KCNE2: variants seen among roughly 807,000 people sequenced by gnomAD.
KCNE2 encodes potassium voltage-gated channel subfamily E regulatory subunit 2.
Under a neutral mutation model 4.5 loss-of-function variants are expected in KCNE2, and 4 were observed. The observed-to-expected ratio is 0.89, with a 90% CI of 0.44 to 2.03. KCNE2 has a LOEUF of 2.03. KCNE2 is among the 30% of genes most tolerant of loss of function. KCNE2 has a pLI of 0.03. For missense variants in KCNE2, 137 were observed against 151.4 expected, an observed-to-expected ratio of 0.90 and a Z score of 0.50; for synonymous variants, 57 against 55.9, an observed-to-expected ratio of 1.02 and a Z score of -0.09.
rs115318734 is a variant in KCNE2, at chr21:34,366,702, G to A, written c.-13+2551G>A. ...GTAATTCAAAAACGAAAACAAGGCC[G>A]GGCACGGTGGCTCACGCCTGTAATC... On this transcript the variant is annotated intron_variant, in intron 1 of 1. Transcript: ENST00000290310. Among the ~76,000 whole-genome samples, 796 of 152,010 alleles carry A rather than the reference G, an allele frequency of 5.2e-3. 10 individuals carry two copies. The highest frequency in any genetic ancestry group is 0.018 in the African/African-American group (757 of 41,462).
chr21:34,368,740 C>T (rs1437074627), intron 1 of KCNE2, among the ~76,000 whole-genome samples: 1 of 152,154 alleles, frequency 6.6e-6, no homozygotes, highest in African/African-American at 2.4e-5. Flanking sequence ...GTCATTGCTC[C>T]ATTTAACTGA....
chr21:34,370,922 C>A lies in KCNE2; in HGVS notation c.*72C>A. 6.3e-7 allele frequency: 1 copy of A among 1,593,854 alleles called. No homozygotes were observed. Among genetic ancestry groups the A allele is most frequent in the Non-Finnish European group, 8.6e-7 (1 of 1,164,536 alleles). Reference sequence around the variant, plus strand: ...AGATGCCAGTGCCACGAGGCAAATCCAAATTGTCTTTGCTTAGAAGAAAGT... The same window carrying A: ...AGATGCCAGTGCCACGAGGCAAATCAAAATTGTCTTTGCTTAGAAGAAAGT... On this transcript the variant is annotated 3_prime_UTR_variant, in exon 2 of 2. Transcript: ENST00000290310.
At chr21:34,366,285 G>A (rs973571033) in intron 1 of KCNE2, among the ~76,000 whole-genome samples, 3 of 152,084 alleles carry the variant, frequency 2.0e-5, no homozygotes, top group South Asian at 2.1e-4. Flanking sequence ...AGCTTCCTAC[G>A]TGCATAGGTA....
In KCNE2 at chr21:34,371,043, G is replaced by T; in HGVS notation, c.*193G>T. 1 of 699,464 alleles carries T rather than the reference G, an allele frequency of 1.4e-6. No individual in the cohort carries two copies. The highest frequency in any genetic ancestry group is 4.0e-4 in the Middle Eastern group (1 of 2,496). 43.3% of individuals were successfully genotyped at this position (699,464 alleles called of 1,614,324 possible). A position where few individuals can be genotyped will look rare whatever the true frequency, so the allele number is the denominator to read the frequency against. On this transcript the variant is annotated 3_prime_UTR_variant, in exon 2 of 2. Coordinates refer to ENST00000290310, the MANE Select transcript of KCNE2 (RefSeq NM_172201.2). ...CAATCTCAGTGATTTATGCTTGCTT[G>T]TTGGAGCAATATTTTGTGCTGAAGA...
intron 1 of KCNE2, among the ~76,000 whole-genome samples, chr21:34,366,420 G>C (rs948696919): frequency 2.0e-5 from 3 of 151,242 alleles, no homozygotes; most frequent in Admixed American, 6.6e-5. Context: ...CACTGTTCTG[G>C]TAGTTTCCAG....
chr21:34,368,216 C>CAA (rs1979393835), intron 1 of KCNE2, among the ~76,000 whole-genome samples: 1 of 95,362 alleles, frequency 1.0e-5, no homozygotes, highest in Admixed American at 1.3e-4. Context: ...CACACACACA[C>CAA]ACACACACAC....
At position 34,368,273 on chromosome 21, in the gene KCNE2, ATATG is replaced by A. The variant is rs1461905620; in HGVS notation, c.-12-2188_-12-2185del. Among the ~76,000 whole-genome samples, 262 of 110,396 alleles carry A rather than the reference ATATG, an allele frequency of 2.4e-3. 6 individuals are homozygous for A. Among genetic ancestry groups the A allele is most frequent in the South Asian group, 0.019 (57 of 3,014 alleles). 72.4% of individuals were successfully genotyped at this position (110,396 alleles called of 152,430 possible). On this transcript the variant is annotated intron_variant, in intron 1 of 1. Coordinates refer to ENST00000290310, the MANE Select transcript of KCNE2 (RefSeq NM_172201.2). ...ATATATATATATATGTATGTTATAT[ATATG>A]TATGTTATATATATGTATGTATGTA... is the stretch of plus-strand genomic sequence containing the variant.
At chr21:34,369,563 G>A (rs1201697801) in intron 1 of KCNE2, among the ~76,000 whole-genome samples, 1 of 151,656 alleles carries the variant, frequency 6.6e-6, no homozygotes, top group Non-Finnish European at 1.5e-5. Context: ...AAAAAAAAAA[G>A]GGCACATTGA....
chr21:34,368,382 C>T (rs1033506740), intron 1 of KCNE2, among the ~76,000 whole-genome samples: 20 of 151,454 alleles, frequency 1.3e-4, no homozygotes, highest in Non-Finnish European at 2.7e-4. Context: ...AGGTGGATCA[C>T]GAGGTCACGA....
rs1273987694 is a variant in KCNE2 at position 34,371,297 on chromosome 21, C to T, written c.*447C>T. ...GCTGAGGCTCAAAAGCTATCACTTG[C>T]TTACCAGACGGACATAGGAGCATTT... On this transcript the variant is annotated 3_prime_UTR_variant, in exon 2 of 2. Transcript: ENST00000290310. 8.7e-6 allele frequency: 2 copies of T among 230,156 alleles called. No homozygotes were observed. The highest frequency in any genetic ancestry group is 1.7e-5 in the Non-Finnish European group (2 of 114,886). The allele number at this position is 230,156 out of a possible 1,614,324, so 14.3% of individuals were successfully genotyped here.
chr21:34,370,596 A>G lies in KCNE2; in HGVS notation c.118A>G (p.Lys40Glu). ...TTAEQEALQA[K>E]VDAENFYYVI... ...AGCTGAGCAAGAGGCCCTCCAAGCC[A>G]AAGTTGATGCTGAGAACTTCTACTA... is the stretch of plus-strand genomic sequence containing the variant. The change falls in exon 2 of 2, where the codon AAA becomes GAA. Residue 40 changes from lysine (K) to glutamate (E), a missense_variant. Coordinates refer to ENST00000290310, the MANE Select transcript of KCNE2 (RefSeq NM_172201.2). The G allele has an allele frequency of 6.2e-7, 1 of 1,614,228 alleles. No individual in the cohort carries two copies. Among genetic ancestry groups the G allele is most frequent in the Middle Eastern group, 1.7e-4 (1 of 6,060 alleles).
At chr21:34,370,335 A>T in intron 1 of KCNE2, 132 bp from the exon 2 acceptor site, 1 of 1,067,338 alleles carries the variant, frequency 9.4e-7, no homozygotes, top group Non-Finnish European at 1.4e-6. Context: ...AATATGCATT[A>T]AATCACCAGC....
At chr21:34,367,991 G>A (rs1301362047) in intron 1 of KCNE2, among the ~76,000 whole-genome samples, 1 of 151,836 alleles carries the variant, frequency 6.6e-6, no homozygotes, top group Non-Finnish European at 1.5e-5. Flanking sequence ...CATTGTCATT[G>A]ATTTGGTCTC....
chr21:34,371,157 G>C lies in KCNE2; in HGVS notation c.*307G>C. On this transcript the variant is annotated 3_prime_UTR_variant, in exon 2 of 2. Coordinates refer to ENST00000290310, the MANE Select transcript of KCNE2 (RefSeq NM_172201.2). ...AAATTTGAAGTAAAGTGTCTGGGCAGTGGCTGTGGGGATAGAAAGGAGAGA... is the reference window on the plus strand; with the variant it reads ...AAATTTGAAGTAAAGTGTCTGGGCACTGGCTGTGGGGATAGAAAGGAGAGA... The C allele has an allele frequency of 2.5e-6, 1 of 402,706 alleles. No homozygotes were observed. Among genetic ancestry groups the C allele is most frequent in the South Asian group, 2.8e-5 (1 of 35,132 alleles). The allele number at this position is 402,706 out of a possible 1,614,324, so 24.9% of individuals were successfully genotyped here. A position where few individuals can be genotyped will look rare whatever the true frequency, so the allele number is the denominator to read the frequency against.
At chr21:34,365,886 A>G (rs964437184) in intron 1 of KCNE2, among the ~76,000 whole-genome samples, 4 of 152,264 alleles carry the variant, frequency 2.6e-5, no homozygotes, top group Admixed American at 2.6e-4. Flanking sequence ...TGGAGCAGGC[A>G]TGGGCCACTC....
In KCNE2 at chr21:34,368,260, ATGTATGTTATATATATG is replaced by A. The variant is rs1245947146; in HGVS notation, c.-12-2205_-12-2189del. Among the ~76,000 whole-genome samples, 64 of 82,444 alleles carry A rather than the reference ATGTATGTTATATATATG, an allele frequency of 7.8e-4. 1 individual carries two copies. Among genetic ancestry groups the A allele is most frequent in the Middle Eastern group, 6.1e-3 (1 of 164 alleles). The allele number at this position is 82,444 out of a possible 152,430, so 54.1% of individuals were successfully genotyped here. ...TATATATATATATATATATATATAT[ATGTATGTTATATATATG>A]TATGTTATATATATGTATGTATGTA... On this transcript the variant is annotated intron_variant, in intron 1 of 1. Coordinates refer to ENST00000290310, the MANE Select transcript of KCNE2 (RefSeq NM_172201.2).
chr21:34,368,275 ATGTATG>A (rs1982067878), intron 1 of KCNE2, among the ~76,000 whole-genome samples: 2 of 111,836 alleles, frequency 1.8e-5, no homozygotes, highest in South Asian at 6.7e-4. Flanking sequence ...TGTTATATAT[ATGTATG>A]TTATATATAT....
intron 1 of KCNE2, among the ~76,000 whole-genome samples, chr21:34,368,822 A>G (rs921428279): frequency 3.3e-5 from 5 of 152,162 alleles, no homozygotes; most frequent in African/African-American, 1.2e-4. Context: ...TTTTTAAACA[A>G]AAGTAATATG....
Position 34,370,999 on chromosome 21 carries a change from A to G in KCNE2, c.*149A>G. The stretch of plus-strand genomic sequence containing the variant: ...TTCATGGAGATTATGTGGTTGGCCA[A>G]TAAAGATAGATGACATTTCAATCTC... On this transcript the variant is annotated 3_prime_UTR_variant, in exon 2 of 2. Transcript: ENST00000290310. 1.1e-6 allele frequency: 1 copy of G among 927,998 alleles called. No individual in the cohort carries two copies. The highest frequency in any genetic ancestry group is 1.5e-5 in the South Asian group (1 of 66,992). 57.5% of individuals were successfully genotyped at this position (927,998 alleles called of 1,614,324 possible).
Sources: allele counts gnomAD v4.1 joint callset (sites outside exome capture counted in the v4.1 genomes callset), GRCh38; gene constraint gnomAD v4.1.1; transcripts MANE v1.5; gene names NCBI Gene and HGNC (gene_info 2026-07-23, HGNC 2026-07-21).